Variants in PRLHR observed in about 807,000 individuals in gnomAD.
PRLHR encodes the protein prolactin releasing hormone receptor, also known as prolactin-releasing peptide receptor.
PRLHR carries 10 observed loss-of-function variants against 9.3 expected under a neutral mutation model. The observed-to-expected ratio is 1.08, with a 90% CI of 0.66 to 1.82. PRLHR has a LOEUF of 1.82. PRLHR is among the 40% of genes most tolerant of loss of function. The probability of loss-of-function intolerance (pLI) is 0.00; values close to 1 mark genes in which losing one functional copy is unlikely to be tolerated. For missense variants in PRLHR, 589 were observed against 512.0 expected (o/e 1.15, Z -1.45); for synonymous variants, 261 against 249.3 (o/e 1.05, Z -0.44).
chr10:118,595,114 G>C lies in PRLHR; in HGVS notation c.131C>G (p.Ala44Gly). ...AGNGSVAGAD[A>G]PAVTPFQSLQ... The stretch of plus-strand genomic sequence containing the variant: ...GCTCTGGAAGGGCGTGACGGCTGGA[G>C]CGTCCGCGCCAGCCACCGACCCGTT... The change falls in exon 2 of 2, where the codon GCT (alanine) becomes GGT (glycine). Residue 44 changes from alanine (A) to glycine (G), a missense_variant. Transcript: ENST00000239032. 1 of 1,602,304 alleles carries C rather than the reference G, an allele frequency of 6.2e-7. No individual in the cohort carries two copies. Among genetic ancestry groups the C allele is most frequent in the Non-Finnish European group, 8.5e-7 (1 of 1,175,592 alleles).
intron 1 of PRLHR, 27 bp from the exon 2 acceptor site, chr10:118,595,277 A>G: frequency 1.3e-6 from 2 of 1,492,160 alleles, no homozygotes; most frequent in Non-Finnish European, 1.8e-6. Context: ...AAAGTCCGTC[A>G]CTTCCCTTGC....
chr10:118,595,015 C>T lies in PRLHR; in HGVS notation c.230G>A (p.Gly77Asp), dbSNP rs761090621. Residue 77 changes from glycine to aspartate, a missense_variant, in exon 2 of 2, where the codon GGC (glycine) becomes GAC (aspartate). Coordinates refer to ENST00000239032, the MANE Select transcript of PRLHR (RefSeq NM_004248.3). ...GATCACCAGCACCAGCAGGCAGTTG[C>T]CCACCAGCCCCACGACCACCACGAC... ...YSVVVVVGLV[G>D]NCLLVLVIAR... 7 of 1,612,358 alleles carry T rather than the reference C, an allele frequency of 4.3e-6. No homozygotes were observed. Among genetic ancestry groups the T allele is most frequent in the Admixed American group, 1.7e-5 (1 of 59,916 alleles).
At position 118,595,556 on chromosome 10, in the gene PRLHR, A is replaced by G. The variant is rs1252572025; in HGVS notation, c.-47T>C. Reference sequence around the variant, plus strand: ...GGAGAGCGGGAAAGCACTCGCGGGAAGAAGGGGCAGAATTTCTGCTGGCCC... The same window carrying G: ...GGAGAGCGGGAAAGCACTCGCGGGAGGAAGGGGCAGAATTTCTGCTGGCCC... On this transcript the variant is annotated 5_prime_UTR_variant, in exon 1 of 2. Coordinates refer to ENST00000239032, the MANE Select transcript of PRLHR (RefSeq NM_004248.3). 8 of 252,822 alleles carry G rather than the reference A, an allele frequency of 3.2e-5. No homozygotes were observed. Among genetic ancestry groups the G allele is most frequent in the Non-Finnish European group, 6.0e-5 (8 of 133,130 alleles). 15.7% of individuals were successfully genotyped at this position (252,822 alleles called of 1,614,324 possible). A position where few individuals can be genotyped will look rare whatever the true frequency, so the allele number is the denominator to read the frequency against.
rs114058830 is a variant in PRLHR, at chr10:118,592,029, G to T, written c.*2103C>A. The T allele has an allele frequency of 1.3e-5, 2 of 151,830 alleles. No individual in the cohort carries two copies. Among genetic ancestry groups the T allele is most frequent in the Non-Finnish European group, 2.9e-5 (2 of 68,010 alleles). The allele number at this position is 151,830 out of a possible 1,614,324, so 9.4% of individuals were successfully genotyped here. A position where few individuals can be genotyped will look rare whatever the true frequency, so the allele number is the denominator to read the frequency against. On this transcript the variant is annotated 3_prime_UTR_variant, in exon 2 of 2. Transcript: ENST00000239032. ...ATAATTCTTAAGGTGCTTAATCTTG[G>T]TTGCACATTAAAATCCCCTGAAGTG...
rs925830689 is a variant in PRLHR at position 118,593,444 on chromosome 10, G to T, written c.*688C>A. 2 of 152,008 alleles carry T rather than the reference G, an allele frequency of 1.3e-5. No individual in the cohort carries two copies. Among genetic ancestry groups the T allele is most frequent in the Non-Finnish European group, 2.9e-5 (2 of 68,020 alleles). 9.4% of individuals were successfully genotyped at this position (152,008 alleles called of 1,614,324 possible). A position where few individuals can be genotyped will look rare whatever the true frequency, so the allele number is the denominator to read the frequency against. On this transcript the variant is annotated 3_prime_UTR_variant, in exon 2 of 2. Transcript: ENST00000239032. ...TATCTATCTCTTCATTGACTAATTCGTCTCATCATTTTTAAATAGTAGTTG... is the reference window on the plus strand; with the variant it reads ...TATCTATCTCTTCATTGACTAATTCTTCTCATCATTTTTAAATAGTAGTTG...
chr10:118,595,281 C>T, intron 1 of PRLHR, 31 bp from the exon 2 acceptor site: 1 of 1,489,972 alleles, frequency 6.7e-7, no homozygotes, highest in South Asian at 1.3e-5. Flanking sequence ...TCCGTCACTT[C>T]CCTTGCCATA....
At position 118,592,213 on chromosome 10, in the gene PRLHR, G is replaced by A. The variant is rs1181491670; in HGVS notation, c.*1919C>T. ...GATTCAAACCTTCCAACAAAGAGCCGACGATGAATCAGATCCCTCCCCAAA... is the reference window on the plus strand; with the variant it reads ...GATTCAAACCTTCCAACAAAGAGCCAACGATGAATCAGATCCCTCCCCAAA... On this transcript the variant is annotated 3_prime_UTR_variant, in exon 2 of 2. Coordinates refer to ENST00000239032, the MANE Select transcript of PRLHR (RefSeq NM_004248.3). 1 of 151,320 alleles carries A rather than the reference G, an allele frequency of 6.6e-6. No homozygotes were observed. Among genetic ancestry groups the A allele is most frequent in the South Asian group, 2.1e-4 (1 of 4,790 alleles). The allele number at this position is 151,320 out of a possible 1,614,324, so 9.4% of individuals were successfully genotyped here. A position where few individuals can be genotyped will look rare whatever the true frequency, so the allele number is the denominator to read the frequency against.
At position 118,594,431 on chromosome 10, in the gene PRLHR, G is replaced by T. The variant is rs768588260; in HGVS notation, c.814C>A (p.Arg272=). 2 of 1,600,728 alleles carry T rather than the reference G, an allele frequency of 1.2e-6. No homozygotes were observed. The highest frequency in any genetic ancestry group is 1.7e-6 in the Non-Finnish European group (2 of 1,179,424). The change falls in exon 2 of 2, where the codon CGG becomes AGG. Residue 272 remains arginine, a synonymous_variant. Transcript: ENST00000239032. ...TQSQADWDRA[R]RRRTFCLLVV... ...AGCAAGCAGAAGGTGCGCCGGCGCCGAGCGCGGTCCCAGTCGGCCTGGCTC... is the reference window on the plus strand; with the variant it reads ...AGCAAGCAGAAGGTGCGCCGGCGCCTAGCGCGGTCCCAGTCGGCCTGGCTC...
At position 118,593,524 on chromosome 10, in the gene PRLHR, T is replaced by G. The variant is rs142965424; in HGVS notation, c.*608A>C. ...CCTTTCTAAAGGGAGCTTGTAGGTG[T>G]TTTTGTACTATAAACTCAAGTGGTT... On this transcript the variant is annotated 3_prime_UTR_variant, in exon 2 of 2. Transcript: ENST00000239032. 6.6e-6 allele frequency: 1 copy of G among 152,284 alleles called. No homozygotes were observed. Among genetic ancestry groups the G allele is most frequent in the East Asian group, 1.9e-4 (1 of 5,190 alleles). The allele number at this position is 152,284 out of a possible 1,614,324, so 9.4% of individuals were successfully genotyped here. A position where few individuals can be genotyped will look rare whatever the true frequency, so the allele number is the denominator to read the frequency against.
In PRLHR at chr10:118,594,467, A is replaced by C. The variant is rs551940334; in HGVS notation, c.778T>G (p.Cys260Gly). ...VKLRNRVVPG[C>G]VTQSQADWDR... ...CAGTCGGCCTGGCTCTGGGTCACGC[A>C]GCCCGGCACCACGCGGTTGCGGAGC... Residue 260 changes from cysteine (C) to glycine (G), a missense_variant, in exon 2 of 2, where the codon TGC (cysteine) becomes GGC (glycine). Physicochemically the swap from Cys to Gly is radical, Grantham distance 159. Transcript: ENST00000239032. 4 of 1,602,302 alleles carry C rather than the reference A, an allele frequency of 2.5e-6. No homozygotes were observed. In the African/African-American group the frequency reaches 5.3e-5, roughly 21 times the overall value.
chr10:118,594,905 C>T lies in PRLHR; in HGVS notation c.340G>A (p.Val114Met), dbSNP rs547026592. The T allele has an allele frequency of 1.6e-5, 26 of 1,613,346 alleles. No individual in the cohort carries two copies. The highest frequency in any genetic ancestry group is 2.1e-5 in the Non-Finnish European group (25 of 1,179,876). ...LSDVLMCTAC[V>M]PLTLAYAFEP... ...AAGGCATAGGCCAGCGTGAGCGGCA[C>T]GCAGGCGGTGCACATGAGCACGTCG... Residue 114 changes from valine to methionine, a missense_variant, in exon 2 of 2, where the codon GTG becomes ATG. By Grantham distance (21) the Val-to-Met change is conservative. Coordinates refer to ENST00000239032, the MANE Select transcript of PRLHR (RefSeq NM_004248.3).
rs770909531 is a variant in PRLHR, at chr10:118,594,708, A to G, written c.537T>C (p.Ala179=). ...CGGACAGCGCCCAGATGGCCAGCAC[A>G]GCGTAGGCGCTGAGGCGCAGCGAGA... ...RRISLRLSAY[A]VLAIWALSAV... The change falls in exon 2 of 2, where the codon GCT becomes GCC. Residue 179 remains alanine, a synonymous_variant. Coordinates refer to ENST00000239032, the MANE Select transcript of PRLHR (RefSeq NM_004248.3). 1.8e-5 allele frequency: 28 copies of G among 1,597,638 alleles called. No homozygotes were observed. The highest frequency in any genetic ancestry group is 2.3e-5 in the Non-Finnish European group (27 of 1,174,542).
Position 118,595,561 on chromosome 10 carries a change from G to T in PRLHR, c.-52C>A. ...GCGGGAAAGCACTCGCGGGAAGAAG[G>T]GGCAGAATTTCTGCTGGCCCTCGGT... On this transcript the variant is annotated 5_prime_UTR_variant, in exon 1 of 2. Coordinates refer to ENST00000239032, the MANE Select transcript of PRLHR (RefSeq NM_004248.3). The T allele has an allele frequency of 8.1e-6, 2 of 248,410 alleles. No individual in the cohort carries two copies. The highest frequency in any genetic ancestry group is 7.7e-6 in the Non-Finnish European group (1 of 130,202). The allele number at this position is 248,410 out of a possible 1,614,324, so 15.4% of individuals were successfully genotyped here.
rs1220825087 is a variant in PRLHR, at chr10:118,593,198, T to C, written c.*934A>G. The C allele has an allele frequency of 6.6e-6, 1 of 152,220 alleles. No individual in the cohort carries two copies. Among genetic ancestry groups the C allele is most frequent in the East Asian group, 1.9e-4 (1 of 5,204 alleles). 9.4% of individuals were successfully genotyped at this position (152,220 alleles called of 1,614,324 possible). ...TGAGCAGTCAGATGACAGCTGTTGA[T>C]CTGTTGCAAGTGAGCAATTAGAGAC... On this transcript the variant is annotated 3_prime_UTR_variant, in exon 2 of 2. Coordinates refer to ENST00000239032, the MANE Select transcript of PRLHR (RefSeq NM_004248.3).
In PRLHR at chr10:118,594,976, C is replaced by A. The variant is rs1329891157; in HGVS notation, c.269G>T (p.Arg90Leu). The change falls in exon 2 of 2, where the codon CGG becomes CTG. Residue 90 changes from arginine to leucine, a missense_variant. Transcript: ENST00000239032. ...LLVLVIARVR[R>L]LHNVTNFLIG... ...GAGGAAGTTCGTCACGTTGTGCAGCCGGCGCACCCGCGCGATCACCAGCAC... is the reference window on the plus strand; with the variant it reads ...GAGGAAGTTCGTCACGTTGTGCAGCAGGCGCACCCGCGCGATCACCAGCAC... 1 of 1,613,622 alleles carries A rather than the reference C, an allele frequency of 6.2e-7. No homozygotes were observed. Among genetic ancestry groups the A allele is most frequent in the South Asian group, 1.1e-5 (1 of 91,044 alleles).
At chr10:118,595,327 C>G in intron 1 of PRLHR, 77 bp from the exon 2 acceptor site, 1 of 1,353,988 alleles carries the variant, frequency 7.4e-7, no homozygotes, top group Non-Finnish European at 9.9e-7. Flanking sequence ...GCGCCCCTCC[C>G]CCATCGCCTG....
rs531277224 is a variant in PRLHR at position 118,590,660 on chromosome 10, A to G, written c.*3472T>C. 3.9e-5 allele frequency: 6 copies of G among 152,234 alleles called. No homozygotes were observed. Among genetic ancestry groups the G allele is most frequent in the Non-Finnish European group, 8.8e-5 (6 of 68,044 alleles). The allele number at this position is 152,234 out of a possible 1,614,324, so 9.4% of individuals were successfully genotyped here. A position where few individuals can be genotyped will look rare whatever the true frequency, so the allele number is the denominator to read the frequency against. ...CTTGCAGGAAGAGGACTGTGTATAC[A>G]TCTTAGATGCTTGATATTAACCAAA... On this transcript the variant is annotated 3_prime_UTR_variant, in exon 2 of 2. Coordinates refer to ENST00000239032, the MANE Select transcript of PRLHR (RefSeq NM_004248.3).
Position 118,593,355 on chromosome 10 carries a change from G to A in PRLHR, c.*777C>T, listed in dbSNP as rs1245270953. 1.3e-5 allele frequency: 2 copies of A among 152,192 alleles called. No homozygotes were observed. Among genetic ancestry groups the A allele is most frequent in the Admixed American group, 1.3e-4 (2 of 15,282 alleles). The allele number at this position is 152,192 out of a possible 1,614,324, so 9.4% of individuals were successfully genotyped here. ...ACATACACAAACACACATACACAGA[G>A]GATGTCTGTCCTTAGGTACAATTGA... On this transcript the variant is annotated 3_prime_UTR_variant, in exon 2 of 2. Coordinates refer to ENST00000239032, the MANE Select transcript of PRLHR (RefSeq NM_004248.3).
chr10:118,594,711 G>A lies in PRLHR; in HGVS notation c.534C>T (p.Tyr178=). ...RRRISLRLSA[Y]AVLAIWALSA... is the part of the protein sequence containing the mutation. The stretch of plus-strand genomic sequence containing the variant: ...ACAGCGCCCAGATGGCCAGCACAGC[G>A]TAGGCGCTGAGGCGCAGCGAGATGC... Residue 178 remains tyrosine, a synonymous_variant, in exon 2 of 2, where the codon TAC becomes TAT. Coordinates refer to ENST00000239032, the MANE Select transcript of PRLHR (RefSeq NM_004248.3). 1 of 1,600,076 alleles carries A rather than the reference G, an allele frequency of 6.2e-7. No individual in the cohort carries two copies. Among genetic ancestry groups the A allele is most frequent in the Non-Finnish European group, 8.5e-7 (1 of 1,176,024 alleles).
Sources: allele counts gnomAD v4.1 joint callset, GRCh38; gene constraint gnomAD v4.1.1; transcripts MANE v1.5; gene names NCBI Gene and HGNC (gene_info 2026-07-23, HGNC 2026-07-21).